The following MED13L variants were observed in gnomAD, a reference collection of about 807,000 sequenced individuals.
MED13L encodes the protein mediator of RNA polymerase II transcription subunit 13-like.
Under a neutral mutation model 220.9 loss-of-function variants are expected in MED13L, and 7 were observed. That is an observed-to-expected ratio of 0.03 (90% CI 0.02 to 0.06). MED13L has a LOEUF of 0.06. Ranked by LOEUF, MED13L falls within the 10% of genes least tolerant of loss-of-function variation. MED13L has a pLI of 1.00. For synonymous variants in MED13L, 1,011 were observed against 1,015.2 expected (o/e 1.00, Z 0.08); for missense variants, 1,965 against 2,760.5 (o/e 0.71, Z 6.46).
At position 116,239,217 on chromosome 12, in the gene MED13L, CTT is replaced by C. The variant is rs552957389; in HGVS notation, c.73-1514_73-1513del. Among the ~76,000 whole-genome samples the C allele has an allele frequency of 6.6e-5, 10 of 152,244 alleles. No individual in the cohort carries two copies. The South Asian group carries it at 8.3e-4, about 13-fold the overall frequency. On this transcript the variant is annotated intron_variant, in intron 1 of 30. Transcript: ENST00000281928. ...ACTAAAAATATCTAAAAATCAGTAACTTATATTTTACGCTGAGATACGCAAAT... is the reference window on the plus strand; with the variant it reads ...ACTAAAAATATCTAAAAATCAGTAACATATTTTACGCTGAGATACGCAAAT...
At chr12:116,053,600 G>T (rs1868693473) in intron 4 of MED13L, among the ~76,000 whole-genome samples, 1 of 152,144 alleles carries the variant, frequency 6.6e-6, no homozygotes, top group Admixed American at 6.6e-5. Context: ...TCTAAGGTAG[G>T]CATTAAATTA....
chr12:116,039,956 AG>A (rs1390249172), intron 4 of MED13L, among the ~76,000 whole-genome samples: 1 of 152,154 alleles, frequency 6.6e-6, no homozygotes, highest in Non-Finnish European at 1.5e-5. Flanking sequence ...CCTAGGTGTG[AG>A]TGTGAGAGAC....
At chr12:116,141,673 C>T (rs372654325) in intron 2 of MED13L, among the ~76,000 whole-genome samples, 64 of 152,212 alleles carry the variant, frequency 4.2e-4, no homozygotes, top group Middle Eastern at 3.4e-3. Context: ...TGGTGGAAGC[C>T]GTCCCCATCA....
intron 1 of MED13L, among the ~76,000 whole-genome samples, chr12:116,250,966 AG>A (rs1335823789): frequency 2.6e-5 from 4 of 151,942 alleles, no homozygotes; most frequent in Admixed American, 2.6e-4. Context: ...TTATAAATAA[AG>A]AAGTTTAATA....
intron 1 of MED13L, among the ~76,000 whole-genome samples, chr12:116,257,942 T>C (rs1005406185): frequency 6.6e-6 from 1 of 152,196 alleles, no homozygotes; most frequent in African/African-American, 2.4e-5. Flanking sequence ...GGCTGTATAT[T>C]ACTCCATTAA....
intron 4 of MED13L, among the ~76,000 whole-genome samples, chr12:116,049,808 GACT>G (rs1205036438): frequency 6.6e-6 from 1 of 152,046 alleles, no homozygotes; most frequent in African/African-American, 2.4e-5. Flanking sequence ...AACATCTGAG[GACT>G]ACAATTCTAA....
At position 115,987,227 on chromosome 12, in the gene MED13L, G is replaced by A. The variant is rs1334939289; in HGVS notation, c.3996C>T (p.Pro1332=). 1.9e-6 allele frequency: 3 copies of A among 1,613,996 alleles called. No individual in the cohort carries two copies. Among genetic ancestry groups the A allele is most frequent in the East Asian group, 2.2e-5 (1 of 44,870 alleles). ...DVVRMLLSLQ[P]FLQDAIQKKR... Reference sequence around the variant, plus strand: ...TCTTTTGGATGGCATCTTGGAGAAAGGGCTGCAGGGACAACAGCATACGAA... The same window carrying A: ...TCTTTTGGATGGCATCTTGGAGAAAAGGCTGCAGGGACAACAGCATACGAA... Residue 1332 remains proline (P), a synonymous_variant, in exon 18 of 31, where the codon CCC becomes CCT. Transcript: ENST00000281928.
At chr12:116,047,112 C>G (rs1344178664) in intron 4 of MED13L, among the ~76,000 whole-genome samples, 1 of 152,178 alleles carries the variant, frequency 6.6e-6, no homozygotes, top group East Asian at 1.9e-4. Context: ...CACTTTGGGA[C>G]ACCAAAGCGG....
chr12:116,260,035 G>C (rs1387072271), intron 1 of MED13L, among the ~76,000 whole-genome samples: 1 of 152,138 alleles, frequency 6.6e-6, no homozygotes, highest in African/African-American at 2.4e-5. Flanking sequence ...GGGTAAATCT[G>C]ATCTAATGGA....
chr12:115,960,378 T>A lies in MED13L; in HGVS notation c.*888A>T, dbSNP rs1424979312. ...GGCTCTGAGTTGAGCTTGACTGCCT[T>A]CTGTATAAAAATGTTATCCTTCATG... On this transcript the variant is annotated 3_prime_UTR_variant, in exon 31 of 31. Coordinates refer to ENST00000281928, the MANE Select transcript of MED13L (RefSeq NM_015335.5). 3 of 152,640 alleles carry A rather than the reference T, an allele frequency of 2.0e-5. No homozygotes were observed. Among genetic ancestry groups the A allele is most frequent in the African/African-American group, 7.2e-5 (3 of 41,464 alleles). 9.5% of individuals were successfully genotyped at this position (152,640 alleles called of 1,614,324 possible).
chr12:116,175,141 A>T (rs779024024), intron 2 of MED13L, among the ~76,000 whole-genome samples: 1 of 152,036 alleles, frequency 6.6e-6, no homozygotes, highest in Non-Finnish European at 1.5e-5. Context: ...ATAATTTAAG[A>T]AAAAAAAGAG....
At chr12:116,016,838 C>T (rs1395595840) in intron 7 of MED13L, among the ~76,000 whole-genome samples, 2 of 152,180 alleles carry the variant, frequency 1.3e-5, no homozygotes, top group Admixed American at 6.5e-5. Flanking sequence ...ATATACCAAT[C>T]CAAATAAGGT....
At position 116,022,422 on chromosome 12, in the gene MED13L, G is replaced by T. The variant is rs542539657; in HGVS notation, c.625+34C>A. On this transcript the variant is annotated intron_variant, in intron 5 of 30. Transcript: ENST00000281928. Reference sequence around the variant, plus strand: ...CAAGATGGTTATCCACTCGGTGGCGGATAGGGGTGGAGAGCAGGAACACCC... The same window carrying T: ...CAAGATGGTTATCCACTCGGTGGCGTATAGGGGTGGAGAGCAGGAACACCC... 16 of 1,612,604 alleles carry T rather than the reference G, an allele frequency of 9.9e-6. No individual in the cohort carries two copies. In the African/African-American group the frequency reaches 1.1e-4, roughly 11 times the overall value.
At chr12:116,084,304 C>CA (rs1871456615) in intron 4 of MED13L, among the ~76,000 whole-genome samples, 4 of 152,172 alleles carry the variant, frequency 2.6e-5, no homozygotes, top group Non-Finnish European at 5.9e-5. Context: ...TAATGCACGA[C>CA]AGTACATATT....
chr12:116,185,268 C>T (rs1226850208), intron 2 of MED13L, among the ~76,000 whole-genome samples: 1 of 151,908 alleles, frequency 6.6e-6, no homozygotes, highest in East Asian at 1.9e-4. Flanking sequence ...CAAAAAGAAA[C>T]ACCTTTCTTA....
At chr12:116,239,131 A>G (rs1230272693) in intron 1 of MED13L, among the ~76,000 whole-genome samples, 1 of 152,064 alleles carries the variant, frequency 6.6e-6, no homozygotes, top group Non-Finnish European at 1.5e-5. Flanking sequence ...CAAAAAACAA[A>G]AACAAACAAA....
chr12:116,003,178 T>A (rs1303623492), intron 13 of MED13L, 76 bp from the exon 14 acceptor site: 1 of 1,283,638 alleles, frequency 7.8e-7, no homozygotes, highest in African/African-American at 1.5e-5. Context: ...TCCTAATGTA[T>A]GCCTATTGGT....
chr12:116,048,685 G>A (rs1368993498), intron 4 of MED13L, among the ~76,000 whole-genome samples: 1 of 151,916 alleles, frequency 6.6e-6, no homozygotes, highest in Non-Finnish European at 1.5e-5. Context: ...AAACTCTTTG[G>A]AGTTCAGGGT....
chr12:116,207,287 C>T (rs1318405390), intron 2 of MED13L, among the ~76,000 whole-genome samples: 4 of 152,062 alleles, frequency 2.6e-5, no homozygotes, highest in Admixed American at 2.0e-4. Context: ...ACATGTGAGC[C>T]ACCGTTCCTT....
Sources: allele counts gnomAD v4.1 joint callset (sites outside exome capture counted in the v4.1 genomes callset), GRCh38; gene constraint gnomAD v4.1.1; transcripts MANE v1.5; gene names NCBI Gene and HGNC (gene_info 2026-07-23, HGNC 2026-07-21).